The following SLC35F2 variants were observed in gnomAD, a reference collection of about 807,000 sequenced individuals.
The protein encoded by SLC35F2 is queuine/queuosine transporter SLC35F2.
In SLC35F2, 25 loss-of-function variants were observed where a neutral mutation model predicts 38.1. The observed-to-expected ratio is 0.66, with a 90% CI of 0.48 to 0.92. SLC35F2 has a LOEUF of 0.92. Among genes scored for constraint, SLC35F2 ranks in the 40% least tolerant of loss-of-function variants. The pLI is 0.00. For synonymous variants in SLC35F2, 173 were observed against 181.7 expected, an observed-to-expected ratio of 0.95 and a Z score of 0.38; for missense variants, 409 against 452.9, an observed-to-expected ratio of 0.90 and a Z score of 0.88.
chr11:107,835,512 T>C (rs998085646), intron 1 of SLC35F2, among the ~76,000 whole-genome samples: 11 of 151,942 alleles, frequency 7.2e-5, no homozygotes, highest in Non-Finnish European at 1.3e-4. Flanking sequence ...TCAGGGTTCA[T>C]TGCAGCCTCC....
intron 1 of SLC35F2, among the ~76,000 whole-genome samples, chr11:107,839,584 A>T (rs1859984673): frequency 6.6e-6 from 1 of 152,230 alleles, no homozygotes; most frequent in African/African-American, 2.4e-5. Flanking sequence ...AATAAGGGAA[A>T]ATATAAAATC....
intron 1 of SLC35F2, among the ~76,000 whole-genome samples, chr11:107,819,358 G>A (rs1438049636): frequency 2.6e-5 from 4 of 152,136 alleles, no homozygotes; most frequent in African/African-American, 9.7e-5. Flanking sequence ...GTCAAGAACT[G>A]GCCAAATCCA....
intron 6 of SLC35F2, 122 bp downstream of exon 6, chr11:107,804,596 G>A (rs1321625901): frequency 9.9e-6 from 7 of 710,262 alleles, no homozygotes; most frequent in Non-Finnish European, 1.4e-5. Context: ...TAGTTGATAT[G>A]TATTAAATCA....
chr11:107,829,484 C>T (rs1859803796), intron 1 of SLC35F2, among the ~76,000 whole-genome samples: 1 of 151,974 alleles, frequency 6.6e-6, no homozygotes, highest in Admixed American at 6.6e-5. Context: ...TTCCACCATG[C>T]TATGACACAG....
At chr11:107,797,777 AATG>A (rs1010690011) in intron 7 of SLC35F2, among the ~76,000 whole-genome samples, 5 of 152,302 alleles carry the variant, frequency 3.3e-5, no homozygotes, top group Admixed American at 2.6e-4. Flanking sequence ...TCCTGGATTA[AATG>A]ATAATGCAAA....
chr11:107,807,016 A>G (rs1442466632), intron 3 of SLC35F2, 140 bp from the exon 4 acceptor site: 1 of 692,890 alleles, frequency 1.4e-6, no homozygotes, highest in East Asian at 2.8e-5. Context: ...CTGTACTAAG[A>G]GCTTTACCTG....
chr11:107,810,119 G>T (rs1403248713), intron 3 of SLC35F2: 20 of 985,422 alleles, frequency 2.0e-5, no homozygotes, highest in Admixed American at 6.1e-5. Flanking sequence ...CTCAGTTGGA[G>T]AACCAGCTTG....
At chr11:107,816,282 G>GTA in intron 1 of SLC35F2, 1 of 944,528 alleles carries the variant, frequency 1.1e-6, no homozygotes, top group Non-Finnish European at 1.3e-6. Flanking sequence ...GTGTGTGTGT[G>GTA]TATGACTTTT....
chr11:107,820,262 A>G (rs978631709), intron 1 of SLC35F2, among the ~76,000 whole-genome samples: 1 of 138,904 alleles, frequency 7.2e-6, no homozygotes, highest in African/African-American at 2.8e-5. Context: ...CCAAAAAATA[A>G]AAAAAAAAAA....
At chr11:107,843,855 AAAAAAAAAAAAAAATATATATATATATAT>A (rs1268484205) in intron 1 of SLC35F2, among the ~76,000 whole-genome samples, 27 of 37,154 alleles carry the variant, frequency 7.3e-4, no homozygotes, top group African/African-American at 3.1e-3. Flanking sequence ...TTAAAAAAAA[AAAAAAAAAAAAAAATATATATATATATAT>A]ATATATATAT....
At chr11:107,812,703 A>T (rs113710433) in intron 2 of SLC35F2, among the ~76,000 whole-genome samples, 1,985 of 152,242 alleles carry the variant, frequency 0.013, 32 homozygotes, top group East Asian at 0.039. Flanking sequence ...GTTTTTTTTT[A>T]AAATCCCTTT....
At chr11:107,798,538 C>T (rs1859255491) in intron 7 of SLC35F2, among the ~76,000 whole-genome samples, 1 of 152,120 alleles carries the variant, frequency 6.6e-6, no homozygotes, top group Non-Finnish European at 1.5e-5. Context: ...GAGGCGCTTA[C>T]TTCTTTGTCT....
chr11:107,804,945 G>T (rs1214220517), intron 5 of SLC35F2, 175 bp from the exon 6 acceptor site: 4 of 740,792 alleles, frequency 5.4e-6, no homozygotes, highest in Non-Finnish European at 6.6e-6. Context: ...AACCAAAGGA[G>T]TTCATAAAGA....
chr11:107,809,329 C>CAAAAAAAA (rs61511493), intron 3 of SLC35F2, among the ~76,000 whole-genome samples: 238 of 96,022 alleles, frequency 2.5e-3, no homozygotes, highest in Non-Finnish European at 3.4e-3. Flanking sequence ...ACTCAAAATA[C>CAAAAAAAA]AAAAAAAAAA....
At position 107,803,062 on chromosome 11, in the gene SLC35F2, A is replaced by G. The variant is rs747907362; in HGVS notation, c.878T>C (p.Leu293Pro). 1 of 1,614,120 alleles carries G rather than the reference A, an allele frequency of 6.2e-7. No homozygotes were observed. Among genetic ancestry groups the G allele is most frequent in the Non-Finnish European group, 8.5e-7 (1 of 1,179,984 alleles). Residue 293 changes from leucine to proline, a missense_variant, in exon 7 of 8, where the codon CTG (leucine) becomes CCG (proline). Leu to Pro is a moderately conservative substitution (Grantham distance 98). Coordinates refer to ENST00000525815, the MANE Select transcript of SLC35F2 (RefSeq NM_017515.5). ...IKVTSATSVN[L>P]GILTADLYSL... ...GTAGAGGTCCGCTGTCAGGATGCCC[A>G]GGTTGACGGAAGTGGCACTAGTGAC... is the stretch of plus-strand genomic sequence containing the variant.
chr11:107,809,969 G>A (rs2134783204), intron 3 of SLC35F2: 2 of 985,332 alleles, frequency 2.0e-6, no homozygotes, highest in Non-Finnish European at 2.4e-6. Flanking sequence ...GCAGCAACCT[G>A]GGCCACATCA....
chr11:107,822,887 G>T (rs1009473500), intron 1 of SLC35F2, among the ~76,000 whole-genome samples: 2 of 152,022 alleles, frequency 1.3e-5, no homozygotes, highest in African/African-American at 4.8e-5. Context: ...ATTGAGGAAT[G>T]CAGGAAAGGC....
chr11:107,858,433 C>T, intron 1 of SLC35F2: 1 of 394,020 alleles, frequency 2.5e-6, no homozygotes, highest in Admixed American at 4.5e-5. Context: ...TACATCGCCA[C>T]GATTTCGAAA....
Position 107,805,487 on chromosome 11 carries a change from C to T in SLC35F2, c.603G>A (p.Leu201=), listed in dbSNP as rs367773970. ...SGSDVLIGDI[L]VLLGASLYAI... ...CATAGAGGGAAGCCCCAAGAAGGAC[C>T]AAGATGTCACCAATCAATACATCAC... The change falls in exon 5 of 8, where the codon TTG becomes TTA. Residue 201 remains leucine (L), a synonymous_variant. Transcript: ENST00000525815. 45 of 1,613,738 alleles carry T rather than the reference C, an allele frequency of 2.8e-5. No homozygotes were observed. In the African/African-American group the frequency reaches 5.5e-4, roughly 20 times the overall value.
Sources: gnomAD v4.1 joint callset for allele counts (sites outside exome capture counted in the v4.1 genomes callset) on GRCh38, gnomAD v4.1.1 for gene constraint, MANE v1.5 for transcripts, NCBI Gene and HGNC (gene_info 2026-07-23, HGNC 2026-07-21) for gene names.